The following OR56A3 variants were observed in gnomAD, a reference collection of about 807,000 sequenced individuals.
OR56A3 encodes the protein olfactory receptor 56A3.
OR56A3 carries 23 observed loss-of-function variants against 17.5 expected under a neutral mutation model. The observed-to-expected ratio is 1.32, with a 90% CI of 0.95 to 1.87. OR56A3 has a LOEUF of 1.87. OR56A3 is among the 40% of genes most tolerant of loss of function. The pLI is 0.00. For missense variants in OR56A3, 366 were observed against 380.1 expected (o/e 0.96, Z 0.31); for synonymous variants, 175 against 150.6 (o/e 1.16, Z -1.19).
At chr11:6,017,170 A>G in the OR56A3 span, 1 of 152,168 alleles carries the variant, frequency 6.6e-6, no homozygotes, top group Non-Finnish European at 1.5e-5. Context: ...ACACCATTAA[A>G]TGGTCAAATA....
the OR56A3 span, chr11:6,002,750 G>A: frequency 6.2e-7 from 1 of 1,614,160 alleles, no homozygotes; most frequent in Non-Finnish European, 8.5e-7. Context: ...GGACCTTGGG[G>A]ATGACGGTGA....
At chr11:5,989,433 AG>A in the OR56A3 span, among the ~76,000 whole-genome samples, 2 of 152,240 alleles carry the variant, frequency 1.3e-5, no homozygotes, top group Non-Finnish European at 2.9e-5. Flanking sequence ...AAGTAAATAA[AG>A]TAAGAAGTAA....
the OR56A3 span, among the ~76,000 whole-genome samples, chr11:5,975,651 A>G: frequency 3.3e-3 from 502 of 152,156 alleles, 2 homozygotes; most frequent in African/African-American, 0.012. Flanking sequence ...TATTGTGAGT[A>G]GTGCCGCAAT....
At chr11:6,003,195 T>C in the OR56A3 span, 3 of 1,231,178 alleles carry the variant, frequency 2.4e-6, no homozygotes, top group Non-Finnish European at 3.4e-6. Context: ...AGCCACAATG[T>C]TTTATATTCA....
At chr11:6,001,963 T>G in the OR56A3 span, 1 of 1,361,150 alleles carries the variant, frequency 7.3e-7, no homozygotes, top group South Asian at 1.6e-5. Flanking sequence ...TAAAGTGAAA[T>G]TTCCTTTCCA....
chr11:5,978,593 A>C, the OR56A3 span, among the ~76,000 whole-genome samples: 1 of 151,754 alleles, frequency 6.6e-6, no homozygotes, highest in African/African-American at 2.4e-5. Context: ...AGTTTTTTTT[A>C]ATCAGATTTA....
At chr11:5,976,727 A>G in the OR56A3 span, among the ~76,000 whole-genome samples, 1 of 151,086 alleles carries the variant, frequency 6.6e-6, no homozygotes, top group Non-Finnish European at 1.5e-5. Context: ...TTTTCACCTT[A>G]TATTTTAGGC....
the OR56A3 span, among the ~76,000 whole-genome samples, chr11:5,975,410 A>C: frequency 3.8e-3 from 478 of 126,220 alleles, 2 homozygotes; most frequent in African/African-American, 0.014. Flanking sequence ...TCCTGTGTCC[A>C]TGTGTTCTCA....
chr11:5,955,215 A>G (rs1007617297), downstream of OR56A3, among the ~76,000 whole-genome samples: 2 of 152,216 alleles, frequency 1.3e-5, no homozygotes, highest in African/African-American at 4.8e-5. Context: ...TAGCACTGGA[A>G]TAAAAGCTAA....
chr11:5,960,242 C>G, the OR56A3 span, among the ~76,000 whole-genome samples: 7 of 151,954 alleles, frequency 4.6e-5, no homozygotes, highest in Non-Finnish European at 7.4e-5. Flanking sequence ...CTCCCCCTCC[C>G]CCTCCCTCTC....
At chr11:5,957,152 AAAAT>A in the OR56A3 span, among the ~76,000 whole-genome samples, 42,985 of 151,644 alleles carry the variant, frequency 0.28, 6,299 homozygotes, top group East Asian at 0.46. Context: ...CTGCATCTCA[AAAAT>A]AAATAAATAA....
chr11:5,977,988 T>C, the OR56A3 span, among the ~76,000 whole-genome samples: 1 of 152,220 alleles, frequency 6.6e-6, no homozygotes, highest in Non-Finnish European at 1.5e-5. Flanking sequence ...CTTGTTATTG[T>C]TGACTTTGTT....
At chr11:5,999,893 C>T in the OR56A3 span, 2 of 152,080 alleles carry the variant, frequency 1.3e-5, no homozygotes, top group Admixed American at 6.5e-5. Flanking sequence ...TGATTCCAGT[C>T]GGGAGGATCA....
chr11:5,989,485 G>A, the OR56A3 span, among the ~76,000 whole-genome samples: 5 of 152,140 alleles, frequency 3.3e-5, no homozygotes, highest in African/African-American at 7.2e-5. Context: ...ACAAATAAGC[G>A]GAAAAGCAGA....
At chr11:5,973,558 T>C in the OR56A3 span, among the ~76,000 whole-genome samples, 4 of 152,232 alleles carry the variant, frequency 2.6e-5, no homozygotes, top group Admixed American at 2.0e-4. Context: ...ATAGTCATTG[T>C]TGAATGTCTC....
the OR56A3 span, among the ~76,000 whole-genome samples, chr11:5,973,524 T>C: frequency 6.6e-6 from 1 of 152,250 alleles, no homozygotes; most frequent in African/African-American, 2.4e-5. Flanking sequence ...AACCACCTTT[T>C]TTCAGTGGAT....
chr11:6,020,029 G>C, the OR56A3 span: 1 of 152,038 alleles, frequency 6.6e-6, no homozygotes, highest in Non-Finnish European at 1.5e-5. Flanking sequence ...AAGAGCTCTA[G>C]TGACTTTTTC....
At chr11:5,985,808 C>T in the OR56A3 span, 1 of 775,820 alleles carries the variant, frequency 1.3e-6, no homozygotes, top group Non-Finnish European at 2.0e-6. Flanking sequence ...TGTTCTTTAG[C>T]ATGGCACTAG....
chr11:5,974,109 C>CTT, the OR56A3 span, among the ~76,000 whole-genome samples: 1,370 of 141,740 alleles, frequency 9.7e-3, 18 homozygotes, highest in Non-Finnish European at 0.014. Flanking sequence ...TTATTAAACT[C>CTT]TTTTTTTTTT....
Sources: gnomAD v4.1 joint callset for allele counts (sites outside exome capture counted in the v4.1 genomes callset) on GRCh38, gnomAD v4.1.1 for gene constraint, MANE v1.5 for transcripts, NCBI Gene and HGNC (gene_info 2026-07-23, HGNC 2026-07-21) for gene names.